The following SLITRK5 variants were observed in gnomAD, a reference collection of about 807,000 sequenced individuals.
SLITRK5 encodes the protein SLIT and NTRK-like protein 5.
A neutral mutation model predicts 56.2 loss-of-function variants in SLITRK5; 23 were observed. The observed-to-expected ratio is 0.41, with a 90% CI of 0.29 to 0.58. SLITRK5 has a LOEUF of 0.58. Among genes scored for constraint, SLITRK5 ranks in the 20% least tolerant of loss-of-function variants. SLITRK5 has a pLI of 0.30. For missense variants in SLITRK5, 1,289 were observed against 1,226.6 expected, an observed-to-expected ratio of 1.05 and a Z score of -0.76; for synonymous variants, 637 against 531.8, an observed-to-expected ratio of 1.20 and a Z score of -2.72.
Position 87,676,418 on chromosome 13 carries a change from C to G in SLITRK5, c.1030C>G (p.Pro344Ala). 13 of 1,614,056 alleles carry G rather than the reference C, an allele frequency of 8.1e-6. No individual in the cohort carries two copies. The highest frequency in any genetic ancestry group is 1.1e-5 in the Non-Finnish European group (13 of 1,180,004). Reference protein sequence around the residue: ...TRQPNKPRVRPTSRQPSKDLG... With the variant: ...TRQPNKPRVRATSRQPSKDLG... ...CCAACCCAACAAGCCCAGGGTGCGC[C>G]CCACCTCTCGGCAGCCCTCTAAGGA... Residue 344 changes from proline (P) to alanine (A), a missense_variant, in exon 2 of 2, where the codon CCC becomes GCC. Physicochemically the swap from Pro to Ala is conservative, Grantham distance 27. Around this residue, in one of 3 missense-constraint regions of SLITRK5, gnomAD observed 985 missense variants for 906.0 expected, o/e 1.09. Transcript: ENST00000683689.
Position 87,671,844 on chromosome 13 carries a change from G to A in SLITRK5, c.-374G>A, listed in dbSNP as rs528474639. 3.9e-4 allele frequency among the ~76,000 whole-genome samples: 59 copies of A among 152,182 alleles called. 1 individual carries two copies. In the East Asian group the frequency reaches 9.8e-3, roughly 25 times the overall value. On this transcript the variant is annotated 5_prime_UTR_variant, in exon 1 of 2. Transcript: ENST00000683689. ...GACAGCGTCGGCGGGATCCCAGCGC[G>A]GTGGTCGCCGCTGCGCTGGGGGGCG...
intron 1 of SLITRK5, among the ~76,000 whole-genome samples, chr13:87,673,998 GCACACACAAACACACACACA>G (rs1566318677): frequency 7.5e-6 from 1 of 133,174 alleles, no homozygotes; most frequent in African/African-American, 3.0e-5. Context: ...GCGCGCGCGC[GCACACACAAACACACACACA>G]CACACACACA....
rs774318761 is a variant in SLITRK5 at position 87,677,734 on chromosome 13, C to T, written c.2346C>T (p.Leu782=). The change falls in exon 2 of 2, where the codon CTC becomes CTT. Residue 782 remains leucine, a synonymous_variant. Coordinates refer to ENST00000683689, the MANE Select transcript of SLITRK5 (RefSeq NM_001384609.1). This position sits in a 1 kb window ranked among gnomAD's most constrained non-coding sequence, Gnocchi z 4.7. ...AGGATTACAAAGACCTGCACGAGCT[C>T]AAGGTCACCTACAGCAGCAACCACC... ...SVEDYKDLHE[L]KVTYSSNHHL... 1.9e-6 allele frequency: 3 copies of T among 1,612,944 alleles called. No homozygotes were observed. Among genetic ancestry groups the T allele is most frequent in the Middle Eastern group, 1.6e-4 (1 of 6,062 alleles).
rs756966467 is a variant in SLITRK5, at chr13:87,676,796, G to C, written c.1408G>C (p.Glu470Gln). Residue 470 changes from glutamate (E) to glutamine (Q), a missense_variant, in exon 2 of 2, where the codon GAG becomes CAG. Transcript: ENST00000683689. ...CCTCTACCTGAATGGCAACAGGATCGAGAGGCTGAGCCCGGAGTTATTCTA... is the reference window on the plus strand; with the variant it reads ...CCTCTACCTGAATGGCAACAGGATCCAGAGGCTGAGCCCGGAGTTATTCTA... The part of the protein sequence containing the change: ...RRLYLNGNRI[E>Q]RLSPELFYGL... 1.9e-5 allele frequency: 31 copies of C among 1,613,980 alleles called. No homozygotes were observed. Among genetic ancestry groups the C allele is most frequent in the African/African-American group, 1.2e-4 (9 of 74,910 alleles).
rs771796619 is a variant in SLITRK5, at chr13:87,677,793, C to A, written c.2405C>A (p.Pro802Gln). The change falls in exon 2 of 2, where the codon CCG becomes CAG. Residue 802 changes from proline (P) to glutamine (Q), a missense_variant. Physicochemically the swap from Pro to Gln is moderately conservative, Grantham distance 76. Around this residue, in one of 3 missense-constraint regions of SLITRK5, gnomAD observed 985 missense variants for 906.0 expected, o/e 1.09. Coordinates refer to ENST00000683689, the MANE Select transcript of SLITRK5 (RefSeq NM_001384609.1). The surrounding 1 kb of genome is among the most constrained non-coding windows in gnomAD (Gnocchi z 4.7). Reference protein sequence around the residue: ...LQQQQQPPPPPQQPQQQPPPQ... With the variant: ...LQQQQQPPPPQQQPQQQPPPQ... ...CAGCAGCAGCAGCCGCCGCCGCCAC[C>A]GCAGCAGCCACAGCAGCAGCCCCCG... The A allele has an allele frequency of 3.7e-6, 6 of 1,608,636 alleles. No individual in the cohort carries two copies. The highest frequency in any genetic ancestry group is 5.1e-6 in the Non-Finnish European group (6 of 1,177,642).
At position 87,678,099 on chromosome 13, in the gene SLITRK5, C is replaced by T; in HGVS notation, c.2711C>T (p.Pro904Leu). The change falls in exon 2 of 2, where the codon CCG becomes CTG. Residue 904 changes from proline to leucine, a missense_variant. Physicochemically the swap from Pro to Leu is moderately conservative, Grantham distance 98. Coordinates refer to ENST00000683689, the MANE Select transcript of SLITRK5 (RefSeq NM_001384609.1). The stretch of plus-strand genomic sequence containing the variant: ...AGACGCCCCCATCAGTATTTGCACC[C>T]GGGGGCAGGGGACAGCAGGCTACGG... Reference protein sequence around the residue: ...DLRRPHQYLHPGAGDSRLREP... With the variant: ...DLRRPHQYLHLGAGDSRLREP... 6.8e-6 allele frequency: 11 copies of T among 1,614,174 alleles called. No homozygotes were observed. The highest frequency in any genetic ancestry group is 9.3e-6 in the Non-Finnish European group (11 of 1,180,014).
chr13:87,671,624 C>G lies in SLITRK5; in HGVS notation c.-594C>G, dbSNP rs1033859199. On this transcript the variant is annotated 5_prime_UTR_variant, in exon 1 of 2. Transcript: ENST00000683689. The stretch of plus-strand genomic sequence containing the variant: ...GGCATAGAACGACGCGGTTGCTGCC[C>G]GCCCCCCCCTTCCCCCAGAAACCCC... Among the ~76,000 whole-genome samples, 1 of 151,978 alleles carries G rather than the reference C, an allele frequency of 6.6e-6. No homozygotes were observed. The highest frequency in any genetic ancestry group is 1.5e-5 in the Non-Finnish European group (1 of 67,994).
intron 1 of SLITRK5, among the ~76,000 whole-genome samples, chr13:87,673,995 C>A (rs915314845): frequency 1.4e-5 from 2 of 139,898 alleles, no homozygotes; most frequent in African/African-American, 5.6e-5. Context: ...CATGCGCGCG[C>A]GCGCACACAC....
Position 87,676,595 on chromosome 13 carries a change from G to A in SLITRK5, c.1207G>A (p.Glu403Lys), listed in dbSNP as rs1877286707. 1 of 1,614,084 alleles carries A rather than the reference G, an allele frequency of 6.2e-7. No individual in the cohort carries two copies. ...GGAGCGAAAGATCGAGAGCATCGCT[G>A]AACTGCAGCCCAAGCCCTACAATCC... ...CQERKIESIAELQPKPYNPKK... is the reference protein window; with the variant it reads ...CQERKIESIAKLQPKPYNPKK... Residue 403 changes from glutamate (E) to lysine (K), a missense_variant, in exon 2 of 2, where the codon GAA becomes AAA. Around this residue, in one of 3 missense-constraint regions of SLITRK5, gnomAD observed 985 missense variants for 906.0 expected, o/e 1.09. Coordinates refer to ENST00000683689, the MANE Select transcript of SLITRK5 (RefSeq NM_001384609.1).
chr13:87,676,968 G>T lies in SLITRK5; in HGVS notation c.1580G>T (p.Gly527Val), dbSNP rs1877305410. The T allele has an allele frequency of 6.2e-7, 1 of 1,614,130 alleles. No homozygotes were observed. Among genetic ancestry groups the T allele is most frequent in the Admixed American group, 1.7e-5 (1 of 60,028 alleles). The change falls in exon 2 of 2, where the codon GGC becomes GTC. Residue 527 changes from glycine to valine, a missense_variant. Physicochemically the swap from Gly to Val is moderately radical, Grantham distance 109. Around this residue, in one of 3 missense-constraint regions of SLITRK5, gnomAD observed 985 missense variants for 906.0 expected, o/e 1.09. Transcript: ENST00000683689. Reference sequence around the variant, plus strand: ...GCCATGCCCTCAGGCGTCTTCTCTGGCTTGACCCTCCTCAGGCTAAACCTG... The same window carrying T: ...GCCATGCCCTCAGGCGTCTTCTCTGTCTTGACCCTCCTCAGGCTAAACCTG... ...LQAMPSGVFS[G>V]LTLLRLNLRS...
chr13:87,675,754 CG>C lies in SLITRK5; in HGVS notation c.370del (p.Ala124LeufsTer8). The part of the protein sequence containing the change: ...GSNVIQDIET[G>X]AFHGLRGLRR... ...GCAATGTTATCCAGGACATTGAGAC[CG>C]GGGCTTTCCATGGGCTACGGGGTTT... On this transcript the variant is annotated frameshift_variant, in exon 2 of 2. Coordinates refer to ENST00000683689, the MANE Select transcript of SLITRK5 (RefSeq NM_001384609.1). LOFTEE classifies it high-confidence loss of function. 1 of 1,614,040 alleles carries C rather than the reference CG, an allele frequency of 6.2e-7. No individual in the cohort carries two copies. The highest frequency in any genetic ancestry group is 8.5e-7 in the Non-Finnish European group (1 of 1,180,014).
In SLITRK5 at chr13:87,677,314, G is replaced by A; in HGVS notation, c.1926G>A (p.Arg642=). The change falls in exon 2 of 2, where the codon CGG becomes CGA. Residue 642 remains arginine, a synonymous_variant. Coordinates refer to ENST00000683689, the MANE Select transcript of SLITRK5 (RefSeq NM_001384609.1). The surrounding 1 kb of genome is among the most constrained non-coding windows in gnomAD (Gnocchi z 4.7). ...CCAGCGCCGTGACTCCTGCGGTCCG[G>A]TTGAATAGCACCGGGGCCCCCGCGA... is the stretch of plus-strand genomic sequence containing the variant. ...ARTSAVTPAV[R]LNSTGAPASL... is the part of the protein sequence containing the mutation. 1 of 1,614,140 alleles carries A rather than the reference G, an allele frequency of 6.2e-7. No individual in the cohort carries two copies. Among genetic ancestry groups the A allele is most frequent in the Non-Finnish European group, 8.5e-7 (1 of 1,180,028 alleles).
At position 87,678,925 on chromosome 13, in the gene SLITRK5, G is replaced by A. The variant is rs1230002304; in HGVS notation, c.*660G>A. The stretch of plus-strand genomic sequence containing the variant: ...GTGGACAAATCATTAAAATTACAGA[G>A]CTATATGATCCATAATTGATTAGTC... On this transcript the variant is annotated 3_prime_UTR_variant, in exon 2 of 2. Transcript: ENST00000683689. 1 of 166,712 alleles carries A rather than the reference G, an allele frequency of 6.0e-6. No individual in the cohort carries two copies. Among genetic ancestry groups the A allele is most frequent in the Non-Finnish European group, 1.5e-5 (1 of 68,076 alleles). 10.3% of individuals were successfully genotyped at this position (166,712 alleles called of 1,614,324 possible).
intron 1 of SLITRK5, chr13:87,673,667 C>A (rs1045624433): frequency 6.0e-6 from 3 of 497,480 alleles, no homozygotes; most frequent in Admixed American, 2.4e-5. Context: ...GGGATACTTG[C>A]GAGGTTTATG....
At chr13:87,672,559 C>T (rs1229773301) in intron 1 of SLITRK5, 2 of 151,678 alleles carry the variant, frequency 1.3e-5, no homozygotes, top group African/African-American at 4.8e-5. Flanking sequence ...CACCCCCCAA[C>T]CCTGCTGCCC....
rs1877055239 is a variant in SLITRK5 at position 87,672,060 on chromosome 13, G to A, written c.-158G>A. Among the ~76,000 whole-genome samples the A allele has an allele frequency of 6.6e-6, 1 of 152,146 alleles. No homozygotes were observed. The highest frequency in any genetic ancestry group is 2.1e-4 in the South Asian group (1 of 4,832). On this transcript the variant is annotated 5_prime_UTR_variant, in exon 1 of 2. The change creates a premature stop within an existing upstream ORF in the 5' untranslated region. Transcript: ENST00000683689. ...TGCGCCACTGACCAGGGGGGAATGTGGTGAAGACGGCGAGGAGGAGAGCCG... is the reference window on the plus strand; with the variant it reads ...TGCGCCACTGACCAGGGGGGAATGTAGTGAAGACGGCGAGGAGGAGAGCCG...
rs368201867 is a variant in SLITRK5 at position 87,677,464 on chromosome 13, G to T, written c.2076G>T (p.Arg692Ser). The T allele has an allele frequency of 2.0e-5, 32 of 1,612,268 alleles. No homozygotes were observed. The highest frequency in any genetic ancestry group is 8.5e-7 in the Non-Finnish European group (1 of 1,179,970). Residue 692 changes from arginine (R) to serine (S), a missense_variant, in exon 2 of 2, where the codon AGG (arginine) becomes AGT (serine). This residue lies in a region of SLITRK5 where 985 missense variants were observed against 906.0 expected (regional missense o/e 1.09). Coordinates refer to ENST00000683689, the MANE Select transcript of SLITRK5 (RefSeq NM_001384609.1). The surrounding 1 kb of genome is among the most constrained non-coding windows in gnomAD (Gnocchi z 4.7). The stretch of plus-strand genomic sequence containing the variant: ...TCTTCGTGCTGGTCATGAAGCGCAG[G>T]AAGAAGAACCAGAGCGACCACACCA... ...AGLFVLVMKRRKKNQSDHTST... is the reference protein window; with the variant it reads ...AGLFVLVMKRSKKNQSDHTST...
chr13:87,671,477 G>A lies in SLITRK5; in HGVS notation c.-741G>A, dbSNP rs1423571140. Among the ~76,000 whole-genome samples, 10 of 152,042 alleles carry A rather than the reference G, an allele frequency of 6.6e-5. No homozygotes were observed. Among genetic ancestry groups the A allele is most frequent in the Non-Finnish European group, 1.3e-4 (9 of 68,010 alleles). ...CTGGACTGGGCCCTGCACCCGCTCC[G>A]GAGCAGCTGTCTCAGAGACCCGGTG... On this transcript the variant is annotated 5_prime_UTR_variant, in exon 1 of 2. Transcript: ENST00000683689.
Position 87,675,447 on chromosome 13 carries a change from G to A in SLITRK5, c.59G>A (p.Ser20Asn). The A allele has an allele frequency of 6.2e-7, 1 of 1,614,178 alleles. No homozygotes were observed. Among genetic ancestry groups the A allele is most frequent in the Non-Finnish European group, 8.5e-7 (1 of 1,180,036 alleles). Residue 20 changes from serine to asparagine, a missense_variant, in exon 2 of 2, where the codon AGC becomes AAC. Coordinates refer to ENST00000683689, the MANE Select transcript of SLITRK5 (RefSeq NM_001384609.1). ...LEQDLHRKMH[S>N]WMLQTLAFAV... ...CAGGACCTTCACAGAAAAATGCATAGCTGGATGCTGCAGACTCTAGCGTTT... is the reference window on the plus strand; with the variant it reads ...CAGGACCTTCACAGAAAAATGCATAACTGGATGCTGCAGACTCTAGCGTTT...
Sources: gnomAD v4.1 joint callset for allele counts (sites outside exome capture counted in the v4.1 genomes callset) on GRCh38, gnomAD v4.1.1 for gene constraint, gnomAD v4.1.1 regional missense constraint, Gnocchi (gnomAD v3.1) non-coding constraint, MANE v1.5 for transcripts, NCBI Gene and HGNC (gene_info 2026-07-23, HGNC 2026-07-21) for gene names.